Variants in AGAP1 observed in about 807,000 individuals in gnomAD.
AGAP1 encodes arf-GAP with GTPase, ANK repeat and PH domain-containing protein 1.
In AGAP1, 29 loss-of-function variants were observed where a neutral mutation model predicts 105.3. The ratio of observed to expected loss-of-function variants is 0.28; its 90% CI spans 0.21 to 0.38. The LOEUF (loss-of-function observed/expected upper bound fraction) is 0.38. AGAP1 is among the 10% of genes least tolerant of loss of function. The pLI is 1.00. For synonymous variants in AGAP1, 509 were observed against 485.9 expected, an observed-to-expected ratio of 1.05 and a Z score of -0.63; for missense variants, 998 against 1,165.1, an observed-to-expected ratio of 0.86 and a Z score of 2.09.
intron 9 of AGAP1, among the ~76,000 whole-genome samples, chr2:235,813,282 A>G (rs1275777026): frequency 1.3e-5 from 2 of 152,244 alleles, no homozygotes; most frequent in South Asian, 2.1e-4. Flanking sequence ...TCCATCATTT[A>G]TATGCAAATC....
chr2:235,697,733 C>A (rs999278566), intron 1 of AGAP1, among the ~76,000 whole-genome samples: 1 of 152,136 alleles, frequency 6.6e-6, no homozygotes, highest in Non-Finnish European at 1.5e-5. Flanking sequence ...TTAATTTCAC[C>A]ATGAATTAAA....
chr2:235,997,530 G>A (rs1277587239), intron 13 of AGAP1, among the ~76,000 whole-genome samples: 2 of 152,156 alleles, frequency 1.3e-5, no homozygotes, highest in African/African-American at 2.4e-5. Flanking sequence ...TGTGAGGCCT[G>A]GAGCCCTGTC....
chr2:235,850,541 C>CT (rs767704774), intron 9 of AGAP1, among the ~76,000 whole-genome samples: 1 of 152,236 alleles, frequency 6.6e-6, no homozygotes, highest in East Asian at 1.9e-4. Flanking sequence ...CTGAGCAGCT[C>CT]TGATTTCAGA....
At position 235,578,940 on chromosome 2, in the gene AGAP1, T is replaced by C. The variant is rs1236198083; in HGVS notation, c.163+84091T>C. Among the ~76,000 whole-genome samples, 2 of 152,306 alleles carry C rather than the reference T, an allele frequency of 1.3e-5. No homozygotes were observed. Among genetic ancestry groups the C allele is most frequent in the East Asian group, 1.9e-4 (1 of 5,180 alleles). On this transcript the variant is annotated intron_variant, in intron 1 of 17. Transcript: ENST00000304032. The surrounding 1 kb of genome is among the most constrained non-coding windows in gnomAD (Gnocchi z 4.9). ...TCAGTCACACAGACGGATATAGATA[T>C]GTAATTTGAATTACTTCTGTTTCTT...
At chr2:235,624,366 C>A (rs79165333) in intron 1 of AGAP1, among the ~76,000 whole-genome samples, 2 of 152,182 alleles carry the variant, frequency 1.3e-5, no homozygotes, top group Non-Finnish European at 2.9e-5. Flanking sequence ...TCCTCCGCTA[C>A]TTCTGTGTCC....
rs1002400688 is a variant in AGAP1, at chr2:235,919,483, G to GC, written c.1324+10580dup. ...CCGCCTCATGTTATCAGACTTGTGA[G>GC]CCCGGGGTACTCCTTGGTGCTTTGT... is the stretch of plus-strand genomic sequence containing the variant. On this transcript the variant is annotated intron_variant, in intron 11 of 17. Coordinates refer to ENST00000304032, the MANE Select transcript of AGAP1 (RefSeq NM_001037131.3). This position sits in a 1 kb window ranked among gnomAD's most constrained non-coding sequence, Gnocchi z 4.1. Among the ~76,000 whole-genome samples, 5 of 152,120 alleles carry GC rather than the reference G, an allele frequency of 3.3e-5. 1 individual carries two copies. Among genetic ancestry groups the GC allele is most frequent in the African/African-American group, 1.2e-4 (5 of 41,408 alleles).
chr2:235,528,958 GA>G (rs1319461229), intron 1 of AGAP1, among the ~76,000 whole-genome samples: 1 of 152,190 alleles, frequency 6.6e-6, no homozygotes, highest in Non-Finnish European at 1.5e-5. Flanking sequence ...TTACATGCAT[GA>G]GCCACTGCGC....
intron 16 of AGAP1, among the ~76,000 whole-genome samples, chr2:236,068,654 G>A (rs1359439731): frequency 6.8e-6 from 1 of 147,158 alleles, no homozygotes; most frequent in African/African-American, 2.5e-5. Flanking sequence ...CAAAAAATTA[G>A]CCGGGCGTGG....
chr2:235,925,787 T>C (rs1006693970), intron 11 of AGAP1, among the ~76,000 whole-genome samples: 4 of 152,212 alleles, frequency 2.6e-5, no homozygotes, highest in Non-Finnish European at 5.9e-5. Context: ...CGAGCTGACC[T>C]GGACTGTGTT....
Position 235,580,526 on chromosome 2 carries a change from G to A in AGAP1, c.163+85677G>A, listed in dbSNP as rs182351510. Among the ~76,000 whole-genome samples, 138 of 152,198 alleles carry A rather than the reference G, an allele frequency of 9.1e-4. 1 individual carries two copies. The highest frequency in any genetic ancestry group is 2.5e-3 in the South Asian group (12 of 4,818). On this transcript the variant is annotated intron_variant, in intron 1 of 17. Coordinates refer to ENST00000304032, the MANE Select transcript of AGAP1 (RefSeq NM_001037131.3). ...TCTAGTGTCTTCTAGAGGTAGAGTC[G>A]AGTGTATCTGAGAGTGCTTCTCTCT...
rs529642264 is a variant in AGAP1 at position 235,837,293 on chromosome 2, T to G, written c.1050+29962T>G. Among the ~76,000 whole-genome samples, 22 of 145,192 alleles carry G rather than the reference T, an allele frequency of 1.5e-4. No homozygotes were observed. The East Asian group carries it at 4.1e-3, about 27-fold the overall frequency. On this transcript the variant is annotated intron_variant, in intron 9 of 17. Transcript: ENST00000304032. ...AGCCACTGCACCCAGCCTTCAAGGG[T>G]TTTTTTTTGAAAGGTTTAGGCTAAA...
chr2:235,514,735 G>T (rs1309035379), intron 1 of AGAP1, among the ~76,000 whole-genome samples: 1 of 152,242 alleles, frequency 6.6e-6, no homozygotes, highest in Non-Finnish European at 1.5e-5. Flanking sequence ...TCTCTCCCCA[G>T]CATGGGCTCA....
chr2:235,910,226 A>C (rs2051525353), intron 11 of AGAP1, among the ~76,000 whole-genome samples: 1 of 152,302 alleles, frequency 6.6e-6, no homozygotes, highest in Non-Finnish European at 1.5e-5. Context: ...AGTGTTAGGC[A>C]GTCACTGAGC....
chr2:235,519,165 T>C (rs982865771), intron 1 of AGAP1, among the ~76,000 whole-genome samples: 3 of 152,130 alleles, frequency 2.0e-5, no homozygotes, highest in African/African-American at 7.2e-5. Context: ...CTCAAACTCC[T>C]GGGCTCAAGC....
intron 16 of AGAP1, among the ~76,000 whole-genome samples, chr2:236,106,648 G>A (rs1362788876): frequency 6.6e-6 from 1 of 152,220 alleles, no homozygotes; most frequent in Non-Finnish European, 1.5e-5. Context: ...TTTGGAGAAG[G>A]TGGCTGGAGT....
At chr2:235,526,353 G>A (rs909243920) in intron 1 of AGAP1, among the ~76,000 whole-genome samples, 27 of 152,228 alleles carry the variant, frequency 1.8e-4, no homozygotes, top group Non-Finnish European at 3.1e-4. Context: ...TGTGCTCTTG[G>A]TCCTGTGGCC....
At position 235,623,812 on chromosome 2, in the gene AGAP1, A is replaced by G. The variant is rs1285091901; in HGVS notation, c.164-85367A>G. The stretch of plus-strand genomic sequence containing the variant: ...TTGTAGTTTTTTTCAATATTTATGG[A>G]ATGCTTAGTATTTGTAATGCAACAA... On this transcript the variant is annotated intron_variant, in intron 1 of 17. Coordinates refer to ENST00000304032, the MANE Select transcript of AGAP1 (RefSeq NM_001037131.3). This position sits in a 1 kb window ranked among gnomAD's most constrained non-coding sequence, Gnocchi z 4.5. Among the ~76,000 whole-genome samples, 1 of 152,054 alleles carries G rather than the reference A, an allele frequency of 6.6e-6. No homozygotes were observed. The highest frequency in any genetic ancestry group is 2.4e-5 in the African/African-American group (1 of 41,392).
intron 1 of AGAP1, among the ~76,000 whole-genome samples, chr2:235,681,665 C>G (rs1261998461): frequency 6.6e-6 from 1 of 152,172 alleles, no homozygotes; most frequent in African/African-American, 2.4e-5. Context: ...TAATTTTCAT[C>G]TGTACTGTTA....
At position 235,824,910 on chromosome 2, in the gene AGAP1, C is replaced by A; in HGVS notation, c.1050+17579C>A. Among the ~76,000 whole-genome samples, 1 of 152,136 alleles carries A rather than the reference C, an allele frequency of 6.6e-6. No individual in the cohort carries two copies. Among genetic ancestry groups the A allele is most frequent in the East Asian group, 1.9e-4 (1 of 5,198 alleles). On this transcript the variant is annotated intron_variant, in intron 9 of 17. Transcript: ENST00000304032. The surrounding 1 kb of genome is among the most constrained non-coding windows in gnomAD (Gnocchi z 5.2). ...TGTTTTTATGTCTCACGTTTACAGG[C>A]GCTTTTCTGATTTTTCTTTCCCCCT...
Sources: allele counts gnomAD v4.1 joint callset (sites outside exome capture counted in the v4.1 genomes callset), GRCh38; gene constraint gnomAD v4.1.1; non-coding constraint Gnocchi (gnomAD v3.1); transcripts MANE v1.5; gene names NCBI Gene and HGNC (gene_info 2026-07-23, HGNC 2026-07-21).